DNAJC1: variants seen among roughly 807,000 people sequenced by gnomAD.
DNAJC1 encodes the protein dnaJ homolog subfamily C member 1.
Under a neutral mutation model 76.6 loss-of-function variants are expected in DNAJC1, and 58 were observed. The ratio of observed to expected loss-of-function variants is 0.76; its 90% CI spans 0.61 to 0.94. The LOEUF (loss-of-function observed/expected upper bound fraction) is 0.94. DNAJC1 is among the 40% of genes least tolerant of loss of function. The pLI, the probability that DNAJC1 is intolerant of heterozygous loss-of-function variation, is 0.00. For synonymous variants in DNAJC1, 258 were observed against 267.9 expected, an observed-to-expected ratio of 0.96 and a Z score of 0.36; for missense variants, 689 against 677.3, an observed-to-expected ratio of 1.02 and a Z score of -0.19.
At chr10:21,937,096 T>A (rs896845356) in intron 1 of DNAJC1, among the ~76,000 whole-genome samples, 5 of 151,932 alleles carry the variant, frequency 3.3e-5, no homozygotes, top group South Asian at 2.1e-4. Context: ...ATAATGAAAA[T>A]TTTTTTTCAT....
chr10:21,928,614 G>A, intron 2 of DNAJC1, 62 bp from the exon 3 acceptor site: 1 of 1,364,072 alleles, frequency 7.3e-7, no homozygotes, highest in Non-Finnish European at 1.0e-6. Context: ...CACATAGGAG[G>A]GTGAAGGCAC....
At chr10:21,878,717 A>G (rs944193595) in intron 8 of DNAJC1, among the ~76,000 whole-genome samples, 13 of 152,292 alleles carry the variant, frequency 8.5e-5, no homozygotes, top group Middle Eastern at 3.4e-3. Context: ...AAATCCACAT[A>G]TAAGTGGACC....
At chr10:21,841,208 C>G (rs183852599) in intron 8 of DNAJC1, among the ~76,000 whole-genome samples, 119 of 152,248 alleles carry the variant, frequency 7.8e-4, no homozygotes, top group African/African-American at 2.5e-3. Context: ...GACTTCATGT[C>G]TAAAACAACC....
At chr10:21,855,015 CTACTT>C (rs1176885319) in intron 8 of DNAJC1, among the ~76,000 whole-genome samples, 2 of 152,220 alleles carry the variant, frequency 1.3e-5, no homozygotes, top group East Asian at 3.9e-4. Flanking sequence ...TGATAAAAAT[CTACTT>C]TAACCATAGT....
At chr10:21,899,131 C>T (rs745687456) in intron 7 of DNAJC1, among the ~76,000 whole-genome samples, 4 of 152,194 alleles carry the variant, frequency 2.6e-5, no homozygotes, top group Non-Finnish European at 5.9e-5. Flanking sequence ...TCTATGCAAT[C>T]CATCAATCAG....
intron 9 of DNAJC1, among the ~76,000 whole-genome samples, chr10:21,774,277 C>T (rs1033115365): frequency 4.6e-5 from 7 of 152,004 alleles, no homozygotes; most frequent in Admixed American, 1.3e-4. Context: ...TCTCTGCTTC[C>T]TGCCTGGATC....
chr10:21,889,959 C>T (rs1216073745), intron 7 of DNAJC1, among the ~76,000 whole-genome samples: 1 of 152,192 alleles, frequency 6.6e-6, no homozygotes, highest in Non-Finnish European at 1.5e-5. Context: ...ATGAGGCACC[C>T]AACCTCCCCA....
At chr10:21,988,223 C>T (rs1422718506) in intron 1 of DNAJC1, among the ~76,000 whole-genome samples, 4 of 152,180 alleles carry the variant, frequency 2.6e-5, no homozygotes, top group Middle Eastern at 6.8e-3. Context: ...CACAAAAACA[C>T]AGAGGACTGG....
At chr10:21,853,891 C>A (rs974724844) in intron 8 of DNAJC1, among the ~76,000 whole-genome samples, 3 of 150,678 alleles carry the variant, frequency 2.0e-5, no homozygotes, top group African/African-American at 7.3e-5. Flanking sequence ...ATCAAGTTAG[C>A]TCTGCCACCC....
intron 7 of DNAJC1, among the ~76,000 whole-genome samples, chr10:21,898,042 A>G (rs1836572757): frequency 6.6e-6 from 1 of 152,232 alleles, no homozygotes; most frequent in Non-Finnish European, 1.5e-5. Context: ...AAATATCTGC[A>G]TTCAAAAATC....
At chr10:21,877,096 A>G (rs1217785942) in intron 8 of DNAJC1, among the ~76,000 whole-genome samples, 6 of 152,006 alleles carry the variant, frequency 3.9e-5, no homozygotes. Flanking sequence ...CAGCACAGGG[A>G]GACCCAAACT....
chr10:21,875,238 C>T (rs933485116), intron 8 of DNAJC1, among the ~76,000 whole-genome samples: 1 of 152,112 alleles, frequency 6.6e-6, no homozygotes, highest in African/African-American at 2.4e-5. Context: ...TCATTGCAGC[C>T]TCAAACTCCT....
At chr10:21,814,608 T>C (rs1835044618) in intron 8 of DNAJC1, among the ~76,000 whole-genome samples, 1 of 152,284 alleles carries the variant, frequency 6.6e-6, no homozygotes, top group South Asian at 2.1e-4. Flanking sequence ...CTGTAGTCTA[T>C]TATGCCAACC....
intron 1 of DNAJC1, among the ~76,000 whole-genome samples, chr10:21,966,076 G>A (rs1450212062): frequency 6.6e-6 from 1 of 152,146 alleles, no homozygotes; most frequent in Admixed American, 6.5e-5. Context: ...CAGTGAGTTA[G>A]TTGTGAAATG....
At chr10:21,796,853 A>T (rs1275567519) in intron 9 of DNAJC1, among the ~76,000 whole-genome samples, 1 of 152,186 alleles carries the variant, frequency 6.6e-6, no homozygotes, top group Non-Finnish European at 1.5e-5. Context: ...TTAACACCTT[A>T]TCAGATAAAT....
chr10:22,003,415 T>G lies in DNAJC1; in HGVS notation c.20A>C (p.Gln7Pro). MTAPCS[Q>P]PAQLPGRRQL... ...GCGGCGTCCAGGAAGCTGCGCCGGC[T>G]GGGAGCAAGGAGCCGTCATCGCGCT... is the stretch of plus-strand genomic sequence containing the variant. The change falls in exon 1 of 12, where the codon CAG becomes CCG. Residue 7 changes from glutamine (Q) to proline (P), a missense_variant. Physicochemically the swap from Gln to Pro is moderately conservative, Grantham distance 76. Transcript: ENST00000376980. The G allele has an allele frequency of 7.3e-7, 1 of 1,369,564 alleles. No individual in the cohort carries two copies. Among genetic ancestry groups the G allele is most frequent in the Non-Finnish European group, 9.4e-7 (1 of 1,063,686 alleles). The allele number at this position is 1,369,564 out of a possible 1,614,324, so 84.8% of individuals were successfully genotyped here. A position where few individuals can be genotyped will look rare whatever the true frequency, so the allele number is the denominator to read the frequency against.
chr10:21,814,095 A>G (rs1835035901), intron 8 of DNAJC1, among the ~76,000 whole-genome samples: 1 of 152,168 alleles, frequency 6.6e-6, no homozygotes, highest in Non-Finnish European at 1.5e-5. Context: ...CTCTTTCTGA[A>G]TGAGGGCCTT....
chr10:21,998,077 T>C, intron 1 of DNAJC1, among the ~76,000 whole-genome samples: 1 of 152,094 alleles, frequency 6.6e-6, no homozygotes, highest in East Asian at 1.9e-4. Context: ...AGGAAAGTCA[T>C]GGTCCCAAAA....
chr10:21,837,879 AGCCCCCGCCCGGCCAGCCGCCCC>A (rs1456649858), intron 8 of DNAJC1, among the ~76,000 whole-genome samples: 4 of 139,822 alleles, frequency 2.9e-5, no homozygotes, highest in African/African-American at 1.1e-4. Context: ...GGTGGGGGGC[AGCCCCCGCCCGGCCAGCCGCCCC>A]GTCCGGGAGG....
Sources: gnomAD v4.1 joint callset for allele counts (sites outside exome capture counted in the v4.1 genomes callset) on GRCh38, gnomAD v4.1.1 for gene constraint, MANE v1.5 for transcripts, NCBI Gene and HGNC (gene_info 2026-07-23, HGNC 2026-07-21) for gene names.